Variants in N4BP2L2 observed in about 807,000 individuals in gnomAD.
The protein encoded by N4BP2L2 is NEDD4-binding protein 2-like 2.
In N4BP2L2, 50 loss-of-function variants were observed where a neutral mutation model predicts 56.2. That is an observed-to-expected ratio of 0.89 (90% CI 0.71 to 1.13). N4BP2L2 has a LOEUF of 1.13. Ranked by LOEUF, N4BP2L2 falls within the 50% of genes most tolerant of loss-of-function variation. The pLI is 0.00. For missense variants in N4BP2L2, 689 were observed against 693.8 expected (o/e 0.99, Z 0.08); for synonymous variants, 203 against 223.6 (o/e 0.91, Z 0.82).
At chr13:32,523,709 G>A (rs1273319082) in intron 3 of N4BP2L2, 2 of 149,696 alleles carry the variant, frequency 1.3e-5, no homozygotes, top group African/African-American at 5.1e-5. Flanking sequence ...AAAATTAAAA[G>A]GCTGACGCAA....
Position 32,515,515 on chromosome 13 carries a change from G to T in N4BP2L2, c.*2287C>A, listed in dbSNP as rs572078647. The T allele has an allele frequency of 8.5e-5, 13 of 152,246 alleles. No individual in the cohort carries two copies. In the East Asian group the frequency reaches 2.3e-3, roughly 27 times the overall value. 9.4% of individuals were successfully genotyped at this position (152,246 alleles called of 1,614,324 possible). A position where few individuals can be genotyped will look rare whatever the true frequency, so the allele number is the denominator to read the frequency against. On this transcript the variant is annotated 3_prime_UTR_variant, in exon 6 of 6. Transcript: ENST00000267068. ...TATTTATTTATTTGGACTCTGTGAT[G>T]CAACAGTAGTTGGCTAACATTATAA...
At chr13:32,526,442 T>C (rs1002606536) in intron 3 of N4BP2L2, among the ~76,000 whole-genome samples, 6 of 151,270 alleles carry the variant, frequency 4.0e-5, no homozygotes, top group Non-Finnish European at 7.4e-5. Context: ...AAAAAAGTTA[T>C]TTTGAAATGT....
chr13:32,521,368 CT>C lies in N4BP2L2; in HGVS notation c.1550+4del, dbSNP rs2050859982. 6.3e-7 allele frequency: 1 copy of C among 1,594,094 alleles called. No individual in the cohort carries two copies. Among genetic ancestry groups the C allele is most frequent in the East Asian group, 2.2e-5 (1 of 44,688 alleles). ...AAGGATTCAATAAAAATTCGAGTGTCTTACTTTTCTAATTCTTCAGGATCAA... is the reference window on the plus strand; with the variant it reads ...AAGGATTCAATAAAAATTCGAGTGTCTACTTTTCTAATTCTTCAGGATCAA... On this transcript the variant is annotated splice_donor_region_variant and intron_variant, in intron 5 of 5. Transcript: ENST00000267068.
chr13:32,492,696 T>G (rs1168293445), intron 6 of N4BP2L2, among the ~76,000 whole-genome samples: 1 of 152,154 alleles, frequency 6.6e-6, no homozygotes, highest in Non-Finnish European at 1.5e-5. Context: ...AGTTGTTGTT[T>G]TAAAACTAAT....
intron 2 of N4BP2L2, among the ~76,000 whole-genome samples, chr13:32,534,314 T>C (rs974067071): frequency 6.6e-6 from 1 of 152,208 alleles, no homozygotes; most frequent in Non-Finnish European, 1.5e-5. Context: ...TCCACTACTT[T>C]ATTCACCTTT....
intron 6 of N4BP2L2, among the ~76,000 whole-genome samples, chr13:32,444,965 G>T (rs926859065): frequency 2.6e-5 from 4 of 152,072 alleles, no homozygotes; most frequent in African/African-American, 7.2e-5. Context: ...AACATATCTA[G>T]AGGCCAGGCA....
rs60203993 is a variant in N4BP2L2 at position 32,448,085 on chromosome 13, C to T, written c.366-3959G>A. ...GTGCCAGAGACATGTACCAGTTCTG[C>T]ACCACTGGAGCTCTATATAGCTACC... is the stretch of plus-strand genomic sequence containing the variant. On this transcript the variant is annotated intron_variant, in intron 6 of 9. Coordinates refer to the N4BP2L2 transcript ENST00000357505. 9.1e-3 allele frequency among the ~76,000 whole-genome samples: 1,389 copies of T among 152,272 alleles called. 28 individuals carry two copies. The highest frequency in any genetic ancestry group is 0.032 in the African/African-American group (1,336 of 41,542).
Position 32,452,051 on chromosome 13 carries a change from C to A in N4BP2L2, c.366-7925G>T, listed in dbSNP as rs908090534. 1.6e-4 allele frequency among the ~76,000 whole-genome samples: 20 copies of A among 121,868 alleles called. No individual in the cohort carries two copies. The East Asian group carries it at 4.6e-3, about 28-fold the overall frequency. The allele number at this position is 121,868 out of a possible 152,430, so 80.0% of individuals were successfully genotyped here. A position where few individuals can be genotyped will look rare whatever the true frequency, so the allele number is the denominator to read the frequency against. The stretch of plus-strand genomic sequence containing the variant: ...AGAAAGAATACCTCCAGCTTTTTTT[C>A]TTTTTCTTTTTCTTTTTTTTTTTTT... On this transcript the variant is annotated intron_variant, in intron 6 of 9. Coordinates refer to the N4BP2L2 transcript ENST00000357505.
chr13:32,461,850 C>A (rs948446049), intron 6 of N4BP2L2, among the ~76,000 whole-genome samples: 9 of 152,184 alleles, frequency 5.9e-5, no homozygotes, highest in Admixed American at 2.0e-4. Context: ...AATCCTCCCA[C>A]CTTGGCCTCC....
Position 32,527,496 on chromosome 13 carries a change from G to C in N4BP2L2, c.1296C>G (p.Phe432Leu), listed in dbSNP as rs1594080916. The change falls in exon 3 of 6, where the codon TTC becomes TTG. Residue 432 changes from phenylalanine (F) to leucine (L), a missense_variant. By Grantham distance (22) the Phe-to-Leu change is conservative. Coordinates refer to ENST00000267068, the Ensembl canonical transcript of N4BP2L2. ...GATGGTGAAAATAGTCATCAGTGCT[G>C]AACACAATGCCATCACGATTCTGAC... 2.5e-6 allele frequency: 4 copies of C among 1,613,420 alleles called. No individual in the cohort carries two copies. In the East Asian group the frequency reaches 8.9e-5, roughly 36 times the overall value.
At chr13:32,534,821 G>A (rs998753027) in intron 2 of N4BP2L2, among the ~76,000 whole-genome samples, 2 of 151,912 alleles carry the variant, frequency 1.3e-5, no homozygotes. Context: ...CTCCTTGTCC[G>A]GCACAAATCT....
intron 6 of N4BP2L2, among the ~76,000 whole-genome samples, chr13:32,495,028 T>TA (rs1299957138): frequency 1.3e-5 from 2 of 152,146 alleles, no homozygotes; most frequent in African/African-American, 4.8e-5. Context: ...CCAGGAAAGA[T>TA]AGAGGGTGTA....
intron 9 of N4BP2L2, among the ~76,000 whole-genome samples, chr13:32,434,800 A>G (rs79664785): frequency 0.051 from 7,750 of 152,274 alleles, 356 homozygotes; most frequent in African/African-American, 0.13. Context: ...GCACATAGCT[A>G]TAGCACTCAT....
chr13:32,477,223 G>T, intron 6 of N4BP2L2: 1 of 412,098 alleles, frequency 2.4e-6, no homozygotes, highest in South Asian at 2.6e-5. Context: ...CCCTGGCTAT[G>T]AACTATGCAA....
chr13:32,457,432 A>G (rs2079155209), intron 6 of N4BP2L2, among the ~76,000 whole-genome samples: 1 of 152,228 alleles, frequency 6.6e-6, no homozygotes, highest in Non-Finnish European at 1.5e-5. Flanking sequence ...GGCACATTAT[A>G]GCCAAACTGT....
chr13:32,462,493 T>C (rs2080309645), intron 6 of N4BP2L2, among the ~76,000 whole-genome samples: 1 of 152,054 alleles, frequency 6.6e-6, no homozygotes, highest in Non-Finnish European at 1.5e-5. Flanking sequence ...AGAGGTTGGT[T>C]AATGAGCACA....
At chr13:32,457,229 A>C (rs1293492659) in intron 6 of N4BP2L2, among the ~76,000 whole-genome samples, 1 of 152,206 alleles carries the variant, frequency 6.6e-6, no homozygotes, top group East Asian at 1.9e-4. Flanking sequence ...CCTACTTGGC[A>C]TATGGGACAT....
intron 6 of N4BP2L2, among the ~76,000 whole-genome samples, chr13:32,493,934 G>A (rs1169638622): frequency 3.3e-5 from 5 of 152,262 alleles, no homozygotes; most frequent in Middle Eastern, 3.4e-3. Flanking sequence ...GACTGTAAGC[G>A]GTAAGTTATT....
chr13:32,449,448 A>G (rs888217743), intron 6 of N4BP2L2, among the ~76,000 whole-genome samples: 1 of 152,220 alleles, frequency 6.6e-6, no homozygotes, highest in Non-Finnish European at 1.5e-5. Context: ...CACATTACAG[A>G]TGTGGTTTAT....
Sources: allele counts gnomAD v4.1 joint callset (sites outside exome capture counted in the v4.1 genomes callset), GRCh38; gene constraint gnomAD v4.1.1; transcripts MANE v1.5; gene names NCBI Gene and HGNC (gene_info 2026-07-23, HGNC 2026-07-21).